The following ZNF18 variants were observed in gnomAD, a reference collection of about 807,000 sequenced individuals.
ZNF18 encodes zinc finger protein 18, also known as heart development-specific gene 1 protein.
Under a neutral mutation model 58.1 loss-of-function variants are expected in ZNF18, and 42 were observed. That is an observed-to-expected ratio of 0.72 (90% confidence interval 0.56 to 0.93). ZNF18 has a LOEUF of 0.93. ZNF18 is among the 40% of genes least tolerant of loss of function. The pLI, the probability that ZNF18 is intolerant of heterozygous loss-of-function variation, is 0.00. For synonymous variants in ZNF18, 231 were observed against 239.8 expected (o/e 0.96, Z 0.34); for missense variants, 540 against 644.2 (o/e 0.84, Z 1.75).
At chr17:11,990,605 C>T (rs1414155118) in intron 3 of ZNF18, 55 bp from the exon 4 acceptor site, 1 of 1,373,278 alleles carries the variant, frequency 7.3e-7, no homozygotes, top group African/African-American at 1.4e-5. Context: ...AACCACTCCC[C>T]AGAGGGCGCA....
At chr17:12,016,607 G>C in the ZNF18 span, among the ~76,000 whole-genome samples, 1 of 152,036 alleles carries the variant, frequency 6.6e-6, no homozygotes, top group Non-Finnish European at 1.5e-5. Context: ...TAGAATTACA[G>C]GCATGAGCCA....
chr17:11,993,727 G>A (rs1476672676), intron 1 of ZNF18: 2 of 145,880 alleles, frequency 1.4e-5, no homozygotes, highest in East Asian at 4.2e-4. Flanking sequence ...AGGAGGCTGA[G>A]GCAGAAGAAT....
upstream of ZNF18, among the ~76,000 whole-genome samples, chr17:12,000,284 T>C (rs1320031538): frequency 6.6e-6 from 1 of 152,146 alleles, no homozygotes; most frequent in Non-Finnish European, 1.5e-5. Context: ...GACCAAGCCC[T>C]GGACCACGCC....
chr17:12,017,386 C>A, the ZNF18 span, among the ~76,000 whole-genome samples: 5 of 152,128 alleles, frequency 3.3e-5, no homozygotes, highest in Admixed American at 1.3e-4. Flanking sequence ...ACTGGGTGGC[C>A]TGGTCCTGAG....
chr17:11,992,824 G>C lies in ZNF18; in HGVS notation c.6C>G (p.Pro2=). 6.2e-7 allele frequency: 1 copy of C among 1,611,344 alleles called. No homozygotes were observed. Among genetic ancestry groups the C allele is most frequent in the South Asian group, 1.1e-5 (1 of 90,992 alleles). The change falls in exon 2 of 7, where the codon CCC becomes CCG. Residue 2 remains proline, a synonymous_variant. Coordinates refer to ENST00000580306, the MANE Select transcript of ZNF18 (RefSeq NM_001303281.2). M[P]VDLGQALGLL... ...GGCCTAGGGCCTGCCCCAAGTCAAC[G>C]GGCATTGTCCAGCCTGGCAAGTCCT... is the stretch of plus-strand genomic sequence containing the variant.
At chr17:11,981,126 CTG>C (rs1041297526) in intron 6 of ZNF18, among the ~76,000 whole-genome samples, 117 of 152,134 alleles carry the variant, frequency 7.7e-4, no homozygotes, top group African/African-American at 2.7e-3. Flanking sequence ...AACTGGCAAA[CTG>C]TTGTATTTTT....
chr17:12,005,321 T>G, the ZNF18 span, among the ~76,000 whole-genome samples: 7 of 152,038 alleles, frequency 4.6e-5, no homozygotes, highest in African/African-American at 1.7e-4. Context: ...TCTTTTGAGG[T>G]TCTCATACAT....
intron 4 of ZNF18, among the ~76,000 whole-genome samples, chr17:11,987,453 T>G (rs755024016): frequency 3.3e-5 from 5 of 152,250 alleles, no homozygotes; most frequent in African/African-American, 4.8e-5. Context: ...GTCTTTCTGA[T>G]GCAAATAATT....
chr17:11,983,253 A>G, intron 6 of ZNF18, 44 bp downstream of exon 6: 1 of 1,451,806 alleles, frequency 6.9e-7, no homozygotes, highest in Non-Finnish European at 9.7e-7. Flanking sequence ...CAATTTAATG[A>G]CAGGCAGTCA....
intron 1 of ZNF18, chr17:11,996,945 A>T (rs750528526): frequency 6.6e-6 from 1 of 152,232 alleles, no homozygotes; most frequent in Non-Finnish European, 1.5e-5. Context: ...TGTCACAAGC[A>T]GCTAGGGGAA....
chr17:12,016,135 CA>C, the ZNF18 span, among the ~76,000 whole-genome samples: 2 of 152,050 alleles, frequency 1.3e-5, no homozygotes, highest in Non-Finnish European at 2.9e-5. Context: ...AATTTACATA[CA>C]ATGAAATGCA....
At chr17:12,014,459 A>T in the ZNF18 span, among the ~76,000 whole-genome samples, 1 of 152,248 alleles carries the variant, frequency 6.6e-6, no homozygotes, top group Admixed American at 6.5e-5. Context: ...AGTCATAAAA[A>T]GGAATGAAAC....
At chr17:12,020,757 C>G in the ZNF18 span, 21 of 406,780 alleles carry the variant, frequency 5.2e-5, no homozygotes, top group East Asian at 8.2e-4. Flanking sequence ...GGGGGCGTGT[C>G]AGGAGGCGTG....
upstream of ZNF18, among the ~76,000 whole-genome samples, chr17:12,002,045 G>T (rs748512767): frequency 5.9e-5 from 9 of 152,146 alleles, no homozygotes; most frequent in Admixed American, 2.6e-4. Flanking sequence ...AAGGATGAAA[G>T]GTGGGAGGGA....
At chr17:12,006,746 A>G in the ZNF18 span, among the ~76,000 whole-genome samples, 1 of 152,184 alleles carries the variant, frequency 6.6e-6, no homozygotes, top group South Asian at 2.1e-4. Flanking sequence ...GCTCAAAAAA[A>G]AGAACTGAGC....
the ZNF18 span, chr17:12,010,834 C>T: frequency 6.4e-6 from 3 of 466,420 alleles, no homozygotes; most frequent in Non-Finnish European, 1.2e-5. Flanking sequence ...TGCAGGCTGG[C>T]ACTTCAGTTG....
At chr17:12,020,815 C>T in the ZNF18 span, 1 of 675,526 alleles carries the variant, frequency 1.5e-6, no homozygotes, top group Non-Finnish European at 2.1e-6. Flanking sequence ...AGCCTCGCCC[C>T]TCGGCCGTGC....
chr17:12,011,991 G>A, the ZNF18 span, among the ~76,000 whole-genome samples: 2 of 152,040 alleles, frequency 1.3e-5, no homozygotes, highest in South Asian at 2.1e-4. Flanking sequence ...GAGCCACTGC[G>A]CCCAGCAGTT....
At chr17:12,003,439 CAAAA>C in the ZNF18 span, among the ~76,000 whole-genome samples, 3 of 72,456 alleles carry the variant, frequency 4.1e-5, no homozygotes, top group Admixed American at 1.6e-4. Flanking sequence ...GACTCTGTCT[CAAAA>C]AAAAAAAAAA....
Sources: gnomAD v4.1 joint callset for allele counts (sites outside exome capture counted in the v4.1 genomes callset) on GRCh38, gnomAD v4.1.1 for gene constraint, MANE v1.5 for transcripts, NCBI Gene and HGNC (gene_info 2026-07-23, HGNC 2026-07-21) for gene names.